SLC25A26: variants seen among roughly 807,000 people sequenced by gnomAD.
SLC25A26 encodes mitochondrial S-adenosylmethionine carrier protein.
In SLC25A26, 36 loss-of-function variants were observed where a neutral mutation model predicts 37.8. That is an observed-to-expected ratio of 0.95 (90% CI 0.73 to 1.26). The LOEUF (loss-of-function observed/expected upper bound fraction) is 1.26, where lower values mean the gene tolerates loss of function less well. SLC25A26 is among the 50% of genes most tolerant of loss of function. The pLI, the probability that SLC25A26 is intolerant of heterozygous loss-of-function variation, is 0.00. For synonymous variants in SLC25A26, 129 were observed against 122.5 expected (o/e 1.05, Z -0.35); for missense variants, 390 against 331.1 (o/e 1.18, Z -1.38).
intron 3 of SLC25A26, among the ~76,000 whole-genome samples, chr3:66,261,385 C>G (rs2306498): frequency 0.16 from 24,421 of 151,984 alleles, 2,405 homozygotes; most frequent in Non-Finnish European, 0.23. Flanking sequence ...AGTAAATTAC[C>G]TTAATATAGG....
chr3:66,304,428 CAT>C (rs1216959052), intron 5 of SLC25A26: 1 of 456,272 alleles, frequency 2.2e-6, no homozygotes. Flanking sequence ...TGTCTGTTGT[CAT>C]ATTTTTTCTT....
intron 1 of SLC25A26, among the ~76,000 whole-genome samples, chr3:66,149,960 G>C (rs192229332): frequency 6.6e-6 from 1 of 152,282 alleles, no homozygotes; most frequent in Admixed American, 6.5e-5. Flanking sequence ...GGGTGGGGAG[G>C]AGAAAGATTA....
At chr3:66,196,058 C>G (rs2071039804) in intron 1 of SLC25A26, among the ~76,000 whole-genome samples, 1 of 152,162 alleles carries the variant, frequency 6.6e-6, no homozygotes, top group African/African-American at 2.4e-5. Context: ...ATACATTTAT[C>G]CTCTGCATAG....
At chr3:66,158,258 T>A (rs2070310801) in intron 1 of SLC25A26, among the ~76,000 whole-genome samples, 1 of 152,268 alleles carries the variant, frequency 6.6e-6, no homozygotes, top group Non-Finnish European at 1.5e-5. Flanking sequence ...ATAATATGTT[T>A]AAGTTTCATC....
chr3:66,183,213 C>T (rs1036510301), intron 1 of SLC25A26, among the ~76,000 whole-genome samples: 1 of 151,910 alleles, frequency 6.6e-6, no homozygotes, highest in Non-Finnish European at 1.5e-5. Context: ...TGATTTTGAG[C>T]CTCCTGTTGA....
intron 6 of SLC25A26, among the ~76,000 whole-genome samples, chr3:66,356,290 A>G (rs1471840589): frequency 6.6e-6 from 1 of 152,098 alleles, no homozygotes; most frequent in East Asian, 1.9e-4. Context: ...GCCTATGACT[A>G]CTGGTGCTAA....
At chr3:66,298,110 G>T (rs566966070) in intron 5 of SLC25A26, among the ~76,000 whole-genome samples, 1 of 152,272 alleles carries the variant, frequency 6.6e-6, no homozygotes, top group East Asian at 1.9e-4. Flanking sequence ...GAAACTTGGG[G>T]TGAGGCCCAG....
intron 5 of SLC25A26, among the ~76,000 whole-genome samples, chr3:66,294,877 T>A (rs1033714491): frequency 2.6e-5 from 4 of 152,226 alleles, no homozygotes; most frequent in African/African-American, 9.6e-5. Context: ...GAATCCACTT[T>A]GCTTTTGGCT....
At chr3:66,291,471 T>C (rs1000507588) in intron 5 of SLC25A26, among the ~76,000 whole-genome samples, 1 of 152,216 alleles carries the variant, frequency 6.6e-6, no homozygotes, top group Non-Finnish European at 1.5e-5. Context: ...AAACACTGCT[T>C]TAGCTGTGTC....
At chr3:66,176,871 C>T (rs140112326) in intron 1 of SLC25A26, among the ~76,000 whole-genome samples, 115 of 152,242 alleles carry the variant, frequency 7.6e-4, no homozygotes, top group African/African-American at 2.7e-3. Flanking sequence ...CCTGGGAAAT[C>T]GACCTTCTTC....
At chr3:66,155,124 A>C (rs1464747807) in intron 1 of SLC25A26, among the ~76,000 whole-genome samples, 1 of 152,234 alleles carries the variant, frequency 6.6e-6, no homozygotes, top group Admixed American at 6.5e-5. Flanking sequence ...CCACAAGGGC[A>C]GGACAGTGTC....
chr3:66,215,804 T>C (rs1253951330), intron 1 of SLC25A26, among the ~76,000 whole-genome samples: 2 of 152,242 alleles, frequency 1.3e-5, no homozygotes, highest in Non-Finnish European at 2.9e-5. Flanking sequence ...AATATTTTTA[T>C]TGAAAATGAT....
At chr3:66,229,076 G>A (rs937232260) in intron 1 of SLC25A26, among the ~76,000 whole-genome samples, 1 of 152,098 alleles carries the variant, frequency 6.6e-6, no homozygotes, top group African/African-American at 2.4e-5. Flanking sequence ...GCTTTTGCGT[G>A]GTTTTTAGTA....
At chr3:66,274,635 A>C (rs1341781694) in intron 5 of SLC25A26, among the ~76,000 whole-genome samples, 1 of 152,252 alleles carries the variant, frequency 6.6e-6, no homozygotes, top group African/African-American at 2.4e-5. Context: ...ATGCAGCCAA[A>C]AGACACATGA....
chr3:66,212,136 A>G (rs2071292015), intron 1 of SLC25A26, among the ~76,000 whole-genome samples: 1 of 152,076 alleles, frequency 6.6e-6, no homozygotes, highest in African/African-American at 2.4e-5. Context: ...TTTTTTGGAG[A>G]CTGGGTGTCC....
At chr3:66,257,594 T>C (rs1221513111) in intron 3 of SLC25A26, among the ~76,000 whole-genome samples, 2 of 152,164 alleles carry the variant, frequency 1.3e-5, no homozygotes, top group African/African-American at 4.8e-5. Flanking sequence ...CCTCTGACTC[T>C]ACCTTTTTTC....
intron 1 of SLC25A26, among the ~76,000 whole-genome samples, chr3:66,213,611 A>T (rs2071318053): frequency 1.3e-5 from 2 of 152,226 alleles, no homozygotes; most frequent in South Asian, 4.1e-4. Context: ...TGTTACAATC[A>T]ATGGACCTGC....
chr3:66,264,551 C>T (rs573154179), intron 5 of SLC25A26, among the ~76,000 whole-genome samples: 2 of 152,116 alleles, frequency 1.3e-5, no homozygotes, highest in Admixed American at 6.5e-5. Context: ...CATAGGAACA[C>T]GAACCCTATT....
intron 5 of SLC25A26, among the ~76,000 whole-genome samples, chr3:66,298,286 G>T (rs545294589): frequency 6.6e-6 from 1 of 152,310 alleles, no homozygotes; most frequent in East Asian, 1.9e-4. Context: ...AAAATGAAAT[G>T]TTGGATATTA....
Sources: gnomAD v4.1 joint callset for allele counts (sites outside exome capture counted in the v4.1 genomes callset) on GRCh38, gnomAD v4.1.1 for gene constraint, MANE v1.5 for transcripts, NCBI Gene and HGNC (gene_info 2026-07-23, HGNC 2026-07-21) for gene names.